SULT6B1: variants seen among roughly 807,000 people sequenced by gnomAD.
SULT6B1 encodes the protein sulfotransferase family 6B member 1, also known as sulfotransferase 6B1.
A neutral mutation model predicts 37.2 loss-of-function variants in SULT6B1; 44 were observed. The ratio of observed to expected loss-of-function variants is 1.18; its 90% CI spans 0.93 to 1.52. The LOEUF (loss-of-function observed/expected upper bound fraction) is 1.52. Among genes scored for constraint, SULT6B1 ranks in the 40% most tolerant of loss-of-function variants. The probability of loss-of-function intolerance (pLI) is 0.00; values close to 1 mark genes in which losing one functional copy is unlikely to be tolerated. For synonymous variants in SULT6B1, 140 were observed against 126.0 expected (o/e 1.11, Z -0.74); for missense variants, 450 against 361.0 (o/e 1.25, Z -2.00).
At chr2:37,190,736 A>G (rs367549142), upstream of SULT6B1, among the ~76,000 whole-genome samples, 6 of 152,108 alleles carry the variant, frequency 3.9e-5, no homozygotes, top group South Asian at 6.2e-4. Flanking sequence ...TGTATGGGAG[A>G]CATTTGGGAG....
chr2:37,190,903 T>C (rs2148302494), upstream of SULT6B1, among the ~76,000 whole-genome samples: 1 of 152,270 alleles, frequency 6.6e-6, no homozygotes, highest in South Asian at 2.1e-4. Context: ...TAGTTGGGGC[T>C]CTGCACTTGG....
chr2:37,179,400 T>C, intron 4 of SULT6B1, 58 bp downstream of exon 4: 3 of 1,599,458 alleles, frequency 1.9e-6, no homozygotes. Flanking sequence ...CATTTGGGTT[T>C]TCACATTTAT....
chr2:37,183,330 C>T (rs1676596277), intron 3 of SULT6B1, 95 bp downstream of exon 3: 4 of 951,534 alleles, frequency 4.2e-6, no homozygotes, highest in Non-Finnish European at 6.4e-6. Context: ...ATTTATTAAG[C>T]TTCTATGAGA....
chr2:37,179,935 G>A (rs1292234575), intron 3 of SULT6B1, among the ~76,000 whole-genome samples: 5 of 152,160 alleles, frequency 3.3e-5, no homozygotes, highest in Admixed American at 3.3e-4. Flanking sequence ...TGCAAATAAT[G>A]TTAAGGACGA....
intron 5 of SULT6B1, 78 bp from the exon 6 acceptor site, chr2:37,171,668 CAG>C (rs1676306652): frequency 5.0e-6 from 7 of 1,390,500 alleles, no homozygotes; most frequent in African/African-American, 4.3e-5. Context: ...TTTTAGTCAT[CAG>C]AGTTATTCAG....
intron 2 of SULT6B1, 147 bp downstream of exon 2, chr2:37,187,208 G>A (rs1434714299): frequency 9.5e-6 from 5 of 528,050 alleles, no homozygotes; most frequent in African/African-American, 7.7e-5. Context: ...GATGATACCT[G>A]AACAGTGCTG....
At chr2:37,194,765 G>A (rs1572471177) in intron 1 of SULT6B1, 1 of 160,040 alleles carries the variant, frequency 6.2e-6, no homozygotes, top group East Asian at 1.7e-4. Context: ...GGTAAAGCTT[G>A]TTATCATTTC....
rs909570036 is a variant in SULT6B1 at position 37,167,833 on chromosome 2, T to C, written c.*102A>G. 1 of 1,016,268 alleles carries C rather than the reference T, an allele frequency of 9.8e-7. No homozygotes were observed. 63.0% of individuals were successfully genotyped at this position (1,016,268 alleles called of 1,614,324 possible). A position where few individuals can be genotyped will look rare whatever the true frequency, so the allele number is the denominator to read the frequency against. On this transcript the variant is annotated 3_prime_UTR_variant, in exon 7 of 7. Transcript: ENST00000535679. ...GTATTGTATTATTTAGATTTCAATA[T>C]TGTTTAATTATTATTTGATTATTTG... is the stretch of plus-strand genomic sequence containing the variant.
chr2:37,174,456 T>C (rs116134994), intron 5 of SULT6B1, among the ~76,000 whole-genome samples: 3,621 of 151,930 alleles, frequency 0.024, 67 homozygotes, highest in Middle Eastern at 0.058. Flanking sequence ...CCTCAGCCTC[T>C]CAAAGTGTTG....
At chr2:37,180,352 A>G (rs976123986) in intron 3 of SULT6B1, among the ~76,000 whole-genome samples, 1 of 152,240 alleles carries the variant, frequency 6.6e-6, no homozygotes. Context: ...TGCAAAGTGC[A>G]GATTTGTGAT....
chr2:37,187,654 C>T (rs547162060), intron 1 of SULT6B1, among the ~76,000 whole-genome samples, 187 bp from the exon 2 acceptor site: 1 of 152,216 alleles, frequency 6.6e-6, no homozygotes, highest in Non-Finnish European at 1.5e-5. Context: ...CAGCATTTAC[C>T]TATAATTAGT....
intron 6 of SULT6B1, 137 bp downstream of exon 6, chr2:37,171,297 A>G: frequency 1.0e-6 from 1 of 967,084 alleles, no homozygotes; most frequent in East Asian, 2.6e-5. Context: ...AGCTCTGGAG[A>G]GCCTGTGTCC....
At chr2:37,175,301 A>AATT in intron 4 of SULT6B1, 75 bp from the exon 5 acceptor site, 2 of 787,476 alleles carry the variant, frequency 2.5e-6, no homozygotes, top group Non-Finnish European at 4.0e-6. Flanking sequence ...TTATGCTATA[A>AATT]AATATAAACT....
In SULT6B1 at chr2:37,188,448, T is replaced by C; in HGVS notation, c.193A>G (p.Lys65Glu). The stretch of plus-strand genomic sequence containing the variant: ...GAAACGACTTGTCATTTACCGCACT[T>C]TGGATAAGATGCTAGCACGATGTCA... ...HDDIVLASYPKCGSNWILHIV... is the reference protein window; with the variant it reads ...HDDIVLASYPECGSNWILHIV... Residue 65 changes from lysine (K) to glutamate (E), a missense_variant, in exon 1 of 7, where the codon AAG becomes GAG. By Grantham distance (56) the Lys-to-Glu change is moderately conservative (BLOSUM62 1). Coordinates refer to ENST00000535679, the MANE Select transcript of SULT6B1 (RefSeq NM_001367551.1). The C allele has an allele frequency of 6.2e-7, 1 of 1,612,818 alleles. No homozygotes were observed. Among genetic ancestry groups the C allele is most frequent in the Non-Finnish European group, 8.5e-7 (1 of 1,179,434 alleles).
At chr2:37,171,285 A>G in intron 6 of SULT6B1, 149 bp downstream of exon 6, 1 of 835,198 alleles carries the variant, frequency 1.2e-6, no homozygotes, top group Admixed American at 3.1e-5. Context: ...GCTGCCAGTT[A>G]CAGCTCTGGA....
At chr2:37,173,720 C>T (rs1217823804) in intron 5 of SULT6B1, among the ~76,000 whole-genome samples, 9 of 152,170 alleles carry the variant, frequency 5.9e-5, no homozygotes, top group Non-Finnish European at 8.8e-5. Flanking sequence ...AGCAGCAAAT[C>T]CTGTTGGCCT....
intron 6 of SULT6B1, among the ~76,000 whole-genome samples, chr2:37,170,710 C>G (rs1676274495): frequency 1.4e-5 from 2 of 144,520 alleles, no homozygotes; most frequent in Non-Finnish European, 3.0e-5. Flanking sequence ...TGCATTCCAG[C>G]CTGGGCAACA....
chr2:37,179,617 G>GTTAATTTATT (rs1553343044), intron 3 of SULT6B1, 33 bp from the exon 4 acceptor site: 1 of 1,602,444 alleles, frequency 6.2e-7, no homozygotes, highest in Non-Finnish European at 8.5e-7. Context: ...ATTTATTTGG[G>GTTAATTTATT]TCTATGTTTT....
At chr2:37,171,069 T>C (rs1676286241) in intron 6 of SULT6B1, among the ~76,000 whole-genome samples, 1 of 152,114 alleles carries the variant, frequency 6.6e-6, no homozygotes, top group Non-Finnish European at 1.5e-5. Context: ...AAACCCTGCC[T>C]TTACTAAAAA....
Sources: gnomAD v4.1 joint callset for allele counts (sites outside exome capture counted in the v4.1 genomes callset) on GRCh38, gnomAD v4.1.1 for gene constraint, MANE v1.5 for transcripts, NCBI Gene and HGNC (gene_info 2026-07-23, HGNC 2026-07-21) for gene names.